The following CCDC12 variants were observed in gnomAD, a reference collection of about 807,000 sequenced individuals.
The protein encoded by CCDC12 is coiled-coil domain containing 12.
Under a neutral mutation model 25.7 loss-of-function variants are expected in CCDC12, and 28 were observed. That is an observed-to-expected ratio of 1.09 (90% CI 0.81 to 1.50). The LOEUF (loss-of-function observed/expected upper bound fraction) is 1.50. CCDC12 is among the 40% of genes most tolerant of loss of function. The pLI, the probability that CCDC12 is intolerant of heterozygous loss-of-function variation, is 0.00. For missense variants in CCDC12, 198 were observed against 210.0 expected (o/e 0.94, Z 0.35); for synonymous variants, 75 against 87.7 (o/e 0.86, Z 0.81).
At chr3:46,925,254 G>A (rs1239444556) in intron 3 of CCDC12, 1 of 701,628 alleles carries the variant, frequency 1.4e-6, no homozygotes, top group Non-Finnish European at 2.6e-6. Context: ...AGGCACAAGA[G>A]GACTCTTCAG....
chr3:46,969,989 G>C (rs1044228603), intron 1 of CCDC12, among the ~76,000 whole-genome samples: 1 of 146,656 alleles, frequency 6.8e-6, no homozygotes, highest in South Asian at 2.1e-4. Flanking sequence ...TGCAACCTCT[G>C]CCCCTACCAG....
intron 5 of CCDC12, 197 bp from the exon 6 acceptor site, chr3:46,922,509 G>A: frequency 1.6e-6 from 1 of 617,860 alleles, no homozygotes; most frequent in Non-Finnish European, 2.9e-6. Context: ...CTGTCCCACT[G>A]AGGCAGGGGG....
At chr3:46,927,262 T>A (rs2033002864) in intron 2 of CCDC12, among the ~76,000 whole-genome samples, 1 of 152,004 alleles carries the variant, frequency 6.6e-6, no homozygotes. Context: ...ACATGTCAGG[T>A]CACAGAGGTA....
At chr3:46,944,307 G>A (rs1429754338) in intron 1 of CCDC12, among the ~76,000 whole-genome samples, 1 of 152,136 alleles carries the variant, frequency 6.6e-6, no homozygotes, top group African/African-American at 2.4e-5. Flanking sequence ...GCTATCAAGA[G>A]TGGAAGAGTG....
At chr3:46,959,914 G>C (rs1191743570) in intron 1 of CCDC12, among the ~76,000 whole-genome samples, 1 of 152,162 alleles carries the variant, frequency 6.6e-6, no homozygotes, top group African/African-American at 2.4e-5. Flanking sequence ...TCTGTCTTGT[G>C]AGTTATGCAG....
chr3:46,981,211 G>C (rs1452731312), upstream of CCDC12, among the ~76,000 whole-genome samples: 1 of 152,166 alleles, frequency 6.6e-6, no homozygotes, highest in African/African-American at 2.4e-5. Context: ...TTGGGAGGCC[G>C]AGGCGGGCAG....
At chr3:46,979,213 C>T (rs2035130913), upstream of CCDC12, among the ~76,000 whole-genome samples, 1 of 152,220 alleles carries the variant, frequency 6.6e-6, no homozygotes, top group African/African-American at 2.4e-5. Flanking sequence ...AGTCCTGCTA[C>T]TCTCTAACTT....
chr3:46,928,438 T>A (rs2033065502), intron 2 of CCDC12, among the ~76,000 whole-genome samples: 1 of 152,168 alleles, frequency 6.6e-6, no homozygotes, highest in Admixed American at 6.5e-5. Context: ...GAGCTTCCCA[T>A]TAGGTTGATG....
At chr3:46,977,926 G>A (rs2035051899), upstream of CCDC12, among the ~76,000 whole-genome samples, 1 of 152,220 alleles carries the variant, frequency 6.6e-6, no homozygotes, top group African/African-American at 2.4e-5. Context: ...ATAACCGCGA[G>A]ACCACTTAGG....
intron 1 of CCDC12, among the ~76,000 whole-genome samples, chr3:46,951,798 A>AAAAAAAAAAAATATATATATATAT: frequency 1.2e-4 from 1 of 8,466 alleles, no homozygotes; most frequent in African/African-American, 2.5e-4. Context: ...AAAAAAAAAA[A>AAAAAAAAAAAATATATATATATAT]ATATATATAT....
chr3:46,964,942 G>T (rs1370394692), intron 1 of CCDC12, among the ~76,000 whole-genome samples: 2 of 150,640 alleles, frequency 1.3e-5, no homozygotes, highest in African/African-American at 2.4e-5. Context: ...ACCCAAGAAT[G>T]ATCAATAAAA....
At chr3:46,979,402 T>G (rs1220673300), upstream of CCDC12, 1 of 153,108 alleles carries the variant, frequency 6.5e-6, no homozygotes, top group East Asian at 1.9e-4. Flanking sequence ...CTTCCCTGAA[T>G]GGCGGCAAAT....
chr3:46,956,968 C>T (rs754510641), intron 1 of CCDC12, among the ~76,000 whole-genome samples: 1 of 152,196 alleles, frequency 6.6e-6, no homozygotes, highest in Non-Finnish European at 1.5e-5. Context: ...GTGTCCAATG[C>T]ACCATGTTCC....
intron 2 of CCDC12, among the ~76,000 whole-genome samples, chr3:46,932,215 C>T (rs759935974): frequency 6.6e-5 from 10 of 152,310 alleles, no homozygotes; most frequent in Non-Finnish European, 1.2e-4. Context: ...GCAAGCAAAA[C>T]AAAGCATTCT....
chr3:46,935,590 CATCTT>C (rs1190331542), intron 2 of CCDC12, among the ~76,000 whole-genome samples: 1 of 152,008 alleles, frequency 6.6e-6, no homozygotes, highest in Non-Finnish European at 1.5e-5. Flanking sequence ...TTCCAGGGCA[CATCTT>C]ATCTGGGCAG....
At chr3:46,925,191 C>A in intron 3 of CCDC12, 1 of 649,770 alleles carries the variant, frequency 1.5e-6, no homozygotes, top group Non-Finnish European at 2.8e-6. Flanking sequence ...CTTTTTCAAA[C>A]CCCACTCAGA....
intron 1 of CCDC12, among the ~76,000 whole-genome samples, chr3:46,944,225 C>T (rs1406085775): frequency 6.6e-6 from 1 of 152,198 alleles, no homozygotes; most frequent in Non-Finnish European, 1.5e-5. Flanking sequence ...AACCCATCAG[C>T]GGTAGCTGCA....
At chr3:46,945,233 C>G (rs2033858579) in intron 1 of CCDC12, among the ~76,000 whole-genome samples, 1 of 152,244 alleles carries the variant, frequency 6.6e-6, no homozygotes, top group African/African-American at 2.4e-5. Context: ...GCTAGACAAC[C>G]TTCAGAAATG....
chr3:46,927,472 G>A (rs1272909290), intron 2 of CCDC12, among the ~76,000 whole-genome samples: 1 of 152,180 alleles, frequency 6.6e-6, no homozygotes, highest in African/African-American at 2.4e-5. Context: ...ACTGTACCCA[G>A]AACTCACAGC....
Sources: gnomAD v4.1 joint callset for allele counts (sites outside exome capture counted in the v4.1 genomes callset) on GRCh38, gnomAD v4.1.1 for gene constraint, MANE v1.5 for transcripts, NCBI Gene and HGNC (gene_info 2026-07-23, HGNC 2026-07-21) for gene names.